Variants in KIAA0825 observed in about 807,000 individuals in gnomAD.
The protein encoded by KIAA0825 is uncharacterized protein KIAA0825.
KIAA0825 carries 119 observed loss-of-function variants against 147.6 expected under a neutral mutation model. The observed-to-expected ratio is 0.81, with a 90% CI of 0.69 to 0.94. The LOEUF (loss-of-function observed/expected upper bound fraction) is 0.94. Among genes scored for constraint, KIAA0825 ranks in the 40% least tolerant of loss-of-function variants. KIAA0825 has a pLI of 0.00. For synonymous variants in KIAA0825, 470 were observed against 518.1 expected, an observed-to-expected ratio of 0.91 and a Z score of 1.26; for missense variants, 1,381 against 1,472.7, an observed-to-expected ratio of 0.94 and a Z score of 1.02.
intron 20 of KIAA0825, among the ~76,000 whole-genome samples, chr5:94,270,806 A>C (rs1218267985): frequency 1.3e-5 from 2 of 152,136 alleles, no homozygotes; most frequent in African/African-American, 4.8e-5. Context: ...ATAAAACAAT[A>C]TAGGAAGGGG....
At chr5:94,504,066 T>A (rs921027707) in intron 5 of KIAA0825, among the ~76,000 whole-genome samples, 2 of 152,254 alleles carry the variant, frequency 1.3e-5, no homozygotes, top group African/African-American at 4.8e-5. Context: ...TTGCTCTACT[T>A]CCAACAAAGC....
intron 20 of KIAA0825, among the ~76,000 whole-genome samples, chr5:94,249,256 G>A (rs1048897508): frequency 6.6e-6 from 1 of 152,054 alleles, no homozygotes; most frequent in Non-Finnish European, 1.5e-5. Context: ...CCACCTAGCA[G>A]ACAAAAATGG....
intron 20 of KIAA0825, among the ~76,000 whole-genome samples, chr5:94,283,691 GTCT>G (rs1777554251): frequency 6.6e-6 from 1 of 152,012 alleles, no homozygotes; most frequent in African/African-American, 2.4e-5. Flanking sequence ...ATATTTAACT[GTCT>G]TCTTAATGAG....
intron 20 of KIAA0825, among the ~76,000 whole-genome samples, chr5:94,230,705 TA>T (rs1774615419): frequency 6.6e-6 from 1 of 152,142 alleles, no homozygotes; most frequent in Non-Finnish European, 1.5e-5. Flanking sequence ...AAAGATTATT[TA>T]AATAAAGGCA....
intron 11 of KIAA0825, among the ~76,000 whole-genome samples, chr5:94,463,709 A>G (rs1490813434): frequency 6.6e-6 from 1 of 151,754 alleles, no homozygotes; most frequent in Non-Finnish European, 1.5e-5. Context: ...GCAACCACCC[A>G]GAAAATAAAA....
At chr5:94,246,022 C>T (rs1016286004) in intron 20 of KIAA0825, among the ~76,000 whole-genome samples, 1 of 152,036 alleles carries the variant, frequency 6.6e-6, no homozygotes, top group African/African-American at 2.4e-5. Flanking sequence ...AAGCCTTATC[C>T]TTAGAGAAAC....
At chr5:94,556,145 T>C (rs970276754) in intron 2 of KIAA0825, among the ~76,000 whole-genome samples, 1 of 152,056 alleles carries the variant, frequency 6.6e-6, no homozygotes, top group Non-Finnish European at 1.5e-5. Context: ...CTCCGCCTCC[T>C]GGATTCGAGC....
At chr5:94,407,837 A>G (rs1752266517) in intron 15 of KIAA0825, among the ~76,000 whole-genome samples, 1 of 152,200 alleles carries the variant, frequency 6.6e-6, no homozygotes. Context: ...TTTATGGTAT[A>G]TAAATTATAT....
chr5:94,615,691 G>A (rs1790256136), intron 1 of KIAA0825: 1 of 151,232 alleles, frequency 6.6e-6, no homozygotes, highest in African/African-American at 2.4e-5. Flanking sequence ...AGTGTGGAGT[G>A]GACACTGTAT....
chr5:94,272,411 G>A (rs1777034044), intron 20 of KIAA0825, among the ~76,000 whole-genome samples: 1 of 152,116 alleles, frequency 6.6e-6, no homozygotes, highest in Non-Finnish European at 1.5e-5. Context: ...TTACCCTGAT[G>A]TGACTGTGAT....
intron 20 of KIAA0825, among the ~76,000 whole-genome samples, chr5:94,230,988 A>G (rs985311264): frequency 6.6e-6 from 1 of 152,188 alleles, no homozygotes; most frequent in African/African-American, 2.4e-5. Flanking sequence ...GATAGGGATA[A>G]TGAGATAGAA....
At chr5:94,563,357 CAAA>C (rs35396980) in intron 2 of KIAA0825, among the ~76,000 whole-genome samples, 8 of 131,290 alleles carry the variant, frequency 6.1e-5, no homozygotes, top group Non-Finnish European at 6.5e-5. Flanking sequence ...GACTCCGTCT[CAAA>C]AAAAAAAAAA....
chr5:94,206,511 G>A (rs1199168597), intron 20 of KIAA0825, among the ~76,000 whole-genome samples: 1 of 152,130 alleles, frequency 6.6e-6, no homozygotes. Flanking sequence ...CAGTAAGCAG[G>A]ATACCTTGTA....
At chr5:94,522,571 T>C (rs1420541948) in intron 4 of KIAA0825, among the ~76,000 whole-genome samples, 2 of 151,672 alleles carry the variant, frequency 1.3e-5, no homozygotes, top group African/African-American at 4.8e-5. Flanking sequence ...CTGTTTCTTA[T>C]TTAAATCACT....
chr5:94,450,361 C>G (rs551878064), intron 13 of KIAA0825, among the ~76,000 whole-genome samples: 4 of 147,020 alleles, frequency 2.7e-5, no homozygotes, highest in Non-Finnish European at 6.0e-5. Flanking sequence ...TTCTCTCACC[C>G]AGCAAGTTTG....
chr5:94,558,043 A>C (rs1356798493), intron 2 of KIAA0825, among the ~76,000 whole-genome samples: 1 of 152,102 alleles, frequency 6.6e-6, no homozygotes, highest in Non-Finnish European at 1.5e-5. Flanking sequence ...CTGCACAGCT[A>C]AGTGCCTGGG....
rs73773650 is a variant in KIAA0825 at position 94,366,675 on chromosome 5, A to G, written c.3710+17693T>C. On this transcript the variant is annotated intron_variant, in intron 20 of 20. Transcript: ENST00000682413. ...TTCTTATTTTCCCAGCCACTCAGCA[A>G]GAAAGATGCTGCTATTTTCCCTGTG... is the stretch of plus-strand genomic sequence containing the variant. Among the ~76,000 whole-genome samples the G allele has an allele frequency of 3.1e-3, 470 of 152,338 alleles. 3 individuals carry two copies. The highest frequency in any genetic ancestry group is 0.011 in the African/African-American group (451 of 41,582).
intron 1 of KIAA0825, among the ~76,000 whole-genome samples, chr5:94,596,760 G>A (rs1785391151): frequency 6.6e-6 from 1 of 152,058 alleles, no homozygotes; most frequent in Non-Finnish European, 1.5e-5. Flanking sequence ...TTTCATCAGT[G>A]TTTTGTAATT....
At chr5:94,578,441 G>A (rs1781455560) in intron 2 of KIAA0825, among the ~76,000 whole-genome samples, 1 of 152,054 alleles carries the variant, frequency 6.6e-6, no homozygotes, top group African/African-American at 2.4e-5. Flanking sequence ...AAAGACAGTG[G>A]GATACACTAG....
Sources: gnomAD v4.1 joint callset for allele counts (sites outside exome capture counted in the v4.1 genomes callset) on GRCh38, gnomAD v4.1.1 for gene constraint, MANE v1.5 for transcripts, NCBI Gene and HGNC (gene_info 2026-07-23, HGNC 2026-07-21) for gene names.